Variants in AGMO observed in about 807,000 individuals in gnomAD.
AGMO encodes glyceryl-ether monooxygenase.
A neutral mutation model predicts 60.2 loss-of-function variants in AGMO; 75 were observed. The ratio of observed to expected loss-of-function variants is 1.25; its 90% CI spans 1.03 to 1.51. The LOEUF (loss-of-function observed/expected upper bound fraction) is 1.51. AGMO is among the 40% of genes most tolerant of loss of function. The probability of loss-of-function intolerance (pLI) is 0.00; values close to 1 mark genes in which losing one functional copy is unlikely to be tolerated. For synonymous variants in AGMO, 261 were observed against 177.1 expected, an observed-to-expected ratio of 1.47 and a Z score of -3.76; for missense variants, 763 against 525.5, an observed-to-expected ratio of 1.45 and a Z score of -4.42.
At chr7:15,251,856 C>T (rs1247767433) in intron 12 of AGMO, among the ~76,000 whole-genome samples, 2 of 152,168 alleles carry the variant, frequency 1.3e-5, no homozygotes, top group African/African-American at 4.8e-5. Flanking sequence ...TTAATAATTC[C>T]ATAGGCATAA....
At chr7:15,477,127 C>T (rs1782614674) in intron 3 of AGMO, among the ~76,000 whole-genome samples, 1 of 146,284 alleles carries the variant, frequency 6.8e-6, no homozygotes, top group African/African-American at 2.4e-5. Context: ...TATTTTAGAA[C>T]ATTCTTTTTT....
At chr7:15,551,839 CA>C (rs1438540219) in intron 2 of AGMO, among the ~76,000 whole-genome samples, 4 of 152,056 alleles carry the variant, frequency 2.6e-5, no homozygotes, top group African/African-American at 7.3e-5. Flanking sequence ...CATATGGAAT[CA>C]AAAAAGAGCC....
At chr7:15,513,348 C>T (rs578211469) in intron 3 of AGMO, among the ~76,000 whole-genome samples, 1 of 152,256 alleles carries the variant, frequency 6.6e-6, no homozygotes, top group Admixed American at 6.5e-5. Context: ...CTATAATTAT[C>T]TGTTCGGGCT....
chr7:15,298,318 C>T (rs990462812), intron 12 of AGMO, among the ~76,000 whole-genome samples: 9 of 152,210 alleles, frequency 5.9e-5, no homozygotes, highest in Non-Finnish European at 8.8e-5. Flanking sequence ...GCCTTCATAC[C>T]ACTTCAATCA....
intron 3 of AGMO, among the ~76,000 whole-genome samples, chr7:15,455,182 A>G (rs1781968820): frequency 6.6e-6 from 1 of 151,986 alleles, no homozygotes; most frequent in Non-Finnish European, 1.5e-5. Context: ...TATGAAATGT[A>G]TACATTTTTG....
intron 12 of AGMO, among the ~76,000 whole-genome samples, chr7:15,301,445 A>C (rs1195401160): frequency 1.3e-5 from 2 of 152,102 alleles, no homozygotes; most frequent in Non-Finnish European, 2.9e-5. Flanking sequence ...TCTCAGGAAA[A>C]AAAAAAGAAA....
chr7:15,290,316 T>G (rs1784226547), intron 12 of AGMO, among the ~76,000 whole-genome samples: 2 of 152,132 alleles, frequency 1.3e-5, no homozygotes, highest in African/African-American at 4.8e-5. Context: ...TGTGAGCCAC[T>G]GCGCCTGGCC....
chr7:15,228,751 C>A (rs1022444101), intron 12 of AGMO, among the ~76,000 whole-genome samples: 15 of 151,978 alleles, frequency 9.9e-5, no homozygotes, highest in African/African-American at 3.4e-4. Flanking sequence ...TATAGTATTC[C>A]TCTGTGATTT....
At chr7:15,488,737 C>A (rs1432183274) in intron 3 of AGMO, among the ~76,000 whole-genome samples, 2 of 151,756 alleles carry the variant, frequency 1.3e-5, no homozygotes, top group Non-Finnish European at 2.9e-5. Flanking sequence ...AGATAACTAG[C>A]CAGGCAAGAA....
chr7:15,497,084 T>C (rs901438740), intron 3 of AGMO, among the ~76,000 whole-genome samples: 2 of 152,262 alleles, frequency 1.3e-5, no homozygotes, highest in South Asian at 4.1e-4. Context: ...GAGCTGGAAG[T>C]CAGAGGACTG....
At chr7:15,238,732 C>T (rs550356408) in intron 12 of AGMO, among the ~76,000 whole-genome samples, 2 of 151,880 alleles carry the variant, frequency 1.3e-5, no homozygotes, top group South Asian at 2.1e-4. Flanking sequence ...GTACAAATTG[C>T]ACCAATTAAG....
At chr7:15,164,158 T>C in the AGMO span, among the ~76,000 whole-genome samples, 1 of 152,164 alleles carries the variant, frequency 6.6e-6, no homozygotes, top group Admixed American at 6.6e-5. Context: ...AAGAACATTC[T>C]ATTCAATGAA....
intron 12 of AGMO, among the ~76,000 whole-genome samples, chr7:15,287,397 G>A (rs1784128395): frequency 6.6e-6 from 1 of 151,880 alleles, no homozygotes; most frequent in South Asian, 2.1e-4. Context: ...TCCTCACCAC[G>A]CAGAGAAACA....
chr7:15,351,876 T>C (rs923250688), intron 12 of AGMO, among the ~76,000 whole-genome samples: 2 of 150,920 alleles, frequency 1.3e-5, no homozygotes, highest in Non-Finnish European at 3.0e-5. Flanking sequence ...CAAAGATGAA[T>C]AGCACTATGG....
chr7:15,182,937 G>A, the AGMO span, among the ~76,000 whole-genome samples: 1 of 151,742 alleles, frequency 6.6e-6, no homozygotes, highest in Admixed American at 6.6e-5. Flanking sequence ...AGTGGAGGGA[G>A]GTGCTACATA....
At chr7:15,400,406 C>G (rs554192343) in intron 5 of AGMO, among the ~76,000 whole-genome samples, 2 of 152,274 alleles carry the variant, frequency 1.3e-5, no homozygotes, top group African/African-American at 2.4e-5. Flanking sequence ...ACAAGCCCCA[C>G]AGTAAGAATT....
chr7:15,128,337 T>G, the AGMO span, among the ~76,000 whole-genome samples: 2 of 152,240 alleles, frequency 1.3e-5, no homozygotes, highest in East Asian at 1.9e-4. Context: ...TTGAACAAAC[T>G]CTTCAATTTC....
At chr7:15,258,979 T>C (rs1389831559) in intron 12 of AGMO, among the ~76,000 whole-genome samples, 6 of 152,186 alleles carry the variant, frequency 3.9e-5, no homozygotes, top group African/African-American at 1.4e-4. Flanking sequence ...AAAACAATTC[T>C]GGTAATATGA....
chr7:15,558,432 C>G (rs1785208760), intron 2 of AGMO, among the ~76,000 whole-genome samples: 1 of 152,084 alleles, frequency 6.6e-6, no homozygotes, highest in South Asian at 2.1e-4. Context: ...TGAGAATGAG[C>G]TAAATTAACC....
Sources: allele counts gnomAD v4.1 joint callset (sites outside exome capture counted in the v4.1 genomes callset), GRCh38; gene constraint gnomAD v4.1.1; transcripts MANE v1.5; gene names NCBI Gene and HGNC (gene_info 2026-07-23, HGNC 2026-07-21).